The following IL1RL1 variants were observed in gnomAD, a reference collection of about 807,000 sequenced individuals.
IL1RL1 encodes the protein interleukin 1 receptor like 1.
A neutral mutation model predicts 50.9 loss-of-function variants in IL1RL1; 32 were observed. That is an observed-to-expected ratio of 0.63 (90% CI 0.47 to 0.84). The LOEUF (loss-of-function observed/expected upper bound fraction) is 0.84. Ranked by LOEUF, IL1RL1 falls within the 40% of genes least tolerant of loss-of-function variation. IL1RL1 has a pLI of 0.00. For missense variants in IL1RL1, 773 were observed against 662.9 expected (o/e 1.17, Z -1.82); for synonymous variants, 275 against 236.0 (o/e 1.17, Z -1.51).
chr2:102,342,046 C>CGTGTGTGT (rs67962088), intron 5 of IL1RL1, among the ~76,000 whole-genome samples, 177 bp from the exon 6 acceptor site: 1,542 of 144,120 alleles, frequency 0.011, 21 homozygotes, highest in African/African-American at 0.032. Context: ...CTTTCTGTTT[C>CGTGTGTGT]GTGTGTGTGT....
At chr2:102,326,052 A>C (rs1476425207) in intron 1 of IL1RL1, among the ~76,000 whole-genome samples, 1 of 152,208 alleles carries the variant, frequency 6.6e-6, no homozygotes, top group Non-Finnish European at 1.5e-5. Context: ...CATAATTGTC[A>C]GATTCACCAA....
At chr2:102,334,144 T>C (rs536175769) in intron 1 of IL1RL1, among the ~76,000 whole-genome samples, 3 of 152,342 alleles carry the variant, frequency 2.0e-5, no homozygotes, top group Admixed American at 1.3e-4. Flanking sequence ...TTTTGGTTCA[T>C]TGAGAAATCT....
intron 1 of IL1RL1, among the ~76,000 whole-genome samples, chr2:102,332,484 A>G (rs1253577911): frequency 2.0e-5 from 3 of 152,220 alleles, no homozygotes; most frequent in Non-Finnish European, 4.4e-5. Context: ...TAGAAACAAT[A>G]AAGTACAGAC....
At chr2:102,343,530 AT>A (rs1202547451) in intron 8 of IL1RL1, 115 bp downstream of exon 8, 1 of 1,590,630 alleles carries the variant, frequency 6.3e-7, no homozygotes, top group East Asian at 2.2e-5. Context: ...GTGCCATAAA[AT>A]GTGCTTCTCT....
chr2:102,311,987 A>G (rs1318073379), intron 1 of IL1RL1, among the ~76,000 whole-genome samples: 1 of 43,002 alleles, frequency 2.3e-5, no homozygotes, highest in Non-Finnish European at 3.6e-5. Context: ...TATAATATAT[A>G]TTATATATAA....
intron 1 of IL1RL1, among the ~76,000 whole-genome samples, chr2:102,325,686 C>G (rs941181422): frequency 3.3e-5 from 5 of 152,122 alleles, no homozygotes; most frequent in Non-Finnish European, 1.5e-5. Context: ...AACCATGGCA[C>G]GAGAACTACG....
intron 4 of IL1RL1, 109 bp from the exon 5 acceptor site, chr2:102,340,557 G>A (rs1234485072): frequency 2.6e-5 from 29 of 1,107,908 alleles, no homozygotes; most frequent in African/African-American, 4.9e-5. Context: ...AGGTTACAGC[G>A]AGCCCAGATT....
At chr2:102,341,168 CT>C (rs112164401) in intron 5 of IL1RL1, 43,835 of 880,870 alleles carry the variant, frequency 0.05, 1 homozygote, top group South Asian at 0.081. Flanking sequence ...GCAAAACCAG[CT>C]TTTTTTTTTT....
Position 102,338,326 on chromosome 2 carries a change from G to A in IL1RL1, c.61+1G>A. 6.5e-7 allele frequency: 1 copy of A among 1,546,296 alleles called. No homozygotes were observed. The highest frequency in any genetic ancestry group is 8.9e-7 in the Non-Finnish European group (1 of 1,121,564). On this transcript the variant is annotated splice_donor_variant, in intron 2 of 10. Coordinates refer to ENST00000233954, the MANE Select transcript of IL1RL1 (RefSeq NM_016232.5). LOFTEE classifies it high-confidence loss of function. ...ATGTATTCCACAGCAGCAAAGTTTA[G>A]TAAGTATTGCCTTCTAAGTATAATT... is the stretch of plus-strand genomic sequence containing the variant.
At chr2:102,341,444 G>C (rs1285140274) in intron 5 of IL1RL1, 10 of 670,772 alleles carry the variant, frequency 1.5e-5, no homozygotes, top group Non-Finnish European at 9.8e-6. Flanking sequence ...CACAATCATA[G>C]CTTATCAATC....
rs561682467 is a variant in IL1RL1 at position 102,336,060 on chromosome 2, A to G, written c.-149-2056A>G. Among the ~76,000 whole-genome samples the G allele has an allele frequency of 3.9e-5, 6 of 152,292 alleles. No homozygotes were observed. The South Asian group carries it at 1.0e-3, about 26-fold the overall frequency. On this transcript the variant is annotated intron_variant, in intron 1 of 10. Transcript: ENST00000233954. ...AAGGCTGACTAAACCCCTGACAGAT[A>G]AGAGATTCAAGAGTAGTCCCAGCCC...
Position 102,339,057 on chromosome 2 carries a change from A to G in IL1RL1, c.272+10A>G, listed in dbSNP as rs1450329369. ...CCTGTATTGTCAGAAGGTATTATGC[A>G]GAAGGCTCCCATCTTCTTTCACCCT... On this transcript the variant is annotated intron_variant, in intron 3 of 10. Transcript: ENST00000233954. 1.3e-6 allele frequency: 2 copies of G among 1,589,308 alleles called. No individual in the cohort carries two copies. Among genetic ancestry groups the G allele is most frequent in the Non-Finnish European group, 1.7e-6 (2 of 1,160,014 alleles).
chr2:102,346,846 T>C (rs1299590217), intron 8 of IL1RL1, among the ~76,000 whole-genome samples: 1 of 152,198 alleles, frequency 6.6e-6, no homozygotes, highest in Non-Finnish European at 1.5e-5. Flanking sequence ...TTTTTCTACC[T>C]TAAAACTGGG....
At chr2:102,340,938 C>T (rs1677535964) in intron 5 of IL1RL1, 110 bp downstream of exon 5, 5 of 809,852 alleles carry the variant, frequency 6.2e-6, no homozygotes, top group Non-Finnish European at 9.4e-6. Flanking sequence ...CCCTTTACTT[C>T]CTCCTGCTCC....
chr2:102,318,075 T>C (rs1229066686), intron 1 of IL1RL1, among the ~76,000 whole-genome samples: 1 of 152,144 alleles, frequency 6.6e-6, no homozygotes, highest in Admixed American at 6.5e-5. Context: ...GGGGTCTTCT[T>C]GTTCATTGCA....
At chr2:102,322,562 G>C (rs1361152117) in intron 1 of IL1RL1, among the ~76,000 whole-genome samples, 1 of 152,178 alleles carries the variant, frequency 6.6e-6, no homozygotes, top group African/African-American at 2.4e-5. Flanking sequence ...TCCCAGAAAT[G>C]AATCTGGGTC....
chr2:102,350,278 T>C (rs1009790296), intron 10 of IL1RL1, among the ~76,000 whole-genome samples: 8 of 152,244 alleles, frequency 5.3e-5, no homozygotes, highest in African/African-American at 1.9e-4. Context: ...AGCTCAACAA[T>C]GTGCCACATC....
chr2:102,312,043 T>A (rs56206031), intron 1 of IL1RL1, among the ~76,000 whole-genome samples: 49,244 of 64,554 alleles, frequency 0.76, 19,368 homozygotes, highest in African/African-American at 0.9. Context: ...TATTAAATAT[T>A]ATATATATAA....
At chr2:102,329,148 T>C (rs1320846115) in intron 1 of IL1RL1, among the ~76,000 whole-genome samples, 2 of 152,112 alleles carry the variant, frequency 1.3e-5, no homozygotes, top group Non-Finnish European at 2.9e-5. Flanking sequence ...GAGATATAGA[T>C]CAATGGAACA....
Sources: gnomAD v4.1 joint callset for allele counts (sites outside exome capture counted in the v4.1 genomes callset) on GRCh38, gnomAD v4.1.1 for gene constraint, MANE v1.5 for transcripts, NCBI Gene and HGNC (gene_info 2026-07-23, HGNC 2026-07-21) for gene names.